The following RIMS1 variants were observed in gnomAD, a reference collection of about 807,000 sequenced individuals.
RIMS1 encodes the protein regulating synaptic membrane exocytosis protein 1.
A neutral mutation model predicts 214.1 loss-of-function variants in RIMS1; 83 were observed. The ratio of observed to expected loss-of-function variants is 0.39; its 90% CI spans 0.32 to 0.47. The LOEUF is 0.47. Among genes scored for constraint, RIMS1 ranks in the 20% least tolerant of loss-of-function variants. The pLI, the probability that RIMS1 is intolerant of heterozygous loss-of-function variation, is 0.99. For synonymous variants in RIMS1, 793 were observed against 786.8 expected (o/e 1.01, Z -0.13); for missense variants, 2,050 against 2,161.8 (o/e 0.95, Z 1.03).
intron 29 of RIMS1, chr6:72,366,757 C>T (rs2098040723): frequency 1.0e-6 from 1 of 985,728 alleles, no homozygotes; most frequent in Non-Finnish European, 1.2e-6. Context: ...GACAGATATT[C>T]CAGCCAGCCA....
chr6:71,962,573 T>A (rs945007723), intron 1 of RIMS1, among the ~76,000 whole-genome samples: 12 of 152,180 alleles, frequency 7.9e-5, no homozygotes, highest in African/African-American at 2.9e-4. Flanking sequence ...TTTTCCCTTA[T>A]GGTGTAGAAT....
chr6:72,097,804 T>C (rs1208430276), intron 3 of RIMS1, among the ~76,000 whole-genome samples: 1 of 152,184 alleles, frequency 6.6e-6, no homozygotes, highest in East Asian at 1.9e-4. Flanking sequence ...GCCAGTACTT[T>C]AAATAAATGC....
chr6:71,965,733 C>T (rs1313521189), intron 1 of RIMS1, among the ~76,000 whole-genome samples: 2 of 151,866 alleles, frequency 1.3e-5, no homozygotes, highest in Admixed American at 6.6e-5. Context: ...GTCGAAGAGC[C>T]CCAATCTGAT....
intron 28 of RIMS1, among the ~76,000 whole-genome samples, chr6:72,319,722 A>G (rs2096041315): frequency 6.6e-6 from 1 of 151,902 alleles, no homozygotes; most frequent in East Asian, 1.9e-4. Flanking sequence ...TTTATTGGGT[A>G]CATCTTATAC....
At chr6:72,122,465 C>G (rs984433384) in intron 4 of RIMS1, among the ~76,000 whole-genome samples, 4 of 151,712 alleles carry the variant, frequency 2.6e-5, no homozygotes, top group African/African-American at 9.7e-5. Flanking sequence ...CTCGGCCTCC[C>G]AAAGTGCTGG....
Position 71,889,511 on chromosome 6 carries a change from G to A in RIMS1, c.164+2324G>A, listed in dbSNP as rs138763086. ...CAGCTCTCTATAATCCTGGACCTCT[G>A]TATTAACTTTATCCATCAGCCTCCT... On this transcript the variant is annotated intron_variant, in intron 1 of 33. Transcript: ENST00000521978. Among the ~76,000 whole-genome samples, 705 of 152,232 alleles carry A rather than the reference G, an allele frequency of 4.6e-3. 3 individuals are homozygous for A. The highest frequency in any genetic ancestry group is 6.8e-3 in the Middle Eastern group (2 of 294).
At chr6:72,355,778 T>C (rs1018121848) in intron 29 of RIMS1, among the ~76,000 whole-genome samples, 2 of 152,168 alleles carry the variant, frequency 1.3e-5, no homozygotes, top group Non-Finnish European at 2.9e-5. Flanking sequence ...TCTTCTGACA[T>C]GTCTAATTCG....
intron 1 of RIMS1, among the ~76,000 whole-genome samples, chr6:71,891,529 A>C (rs1407973383): frequency 6.6e-6 from 1 of 152,196 alleles, no homozygotes. Context: ...TGTGGCCTGA[A>C]ATATATCCAT....
At chr6:72,113,118 A>G (rs552123071) in intron 4 of RIMS1, among the ~76,000 whole-genome samples, 1 of 152,288 alleles carries the variant, frequency 6.6e-6, no homozygotes, top group East Asian at 1.9e-4. Context: ...GGCAGTGTGC[A>G]GAGTCATGGT....
intron 29 of RIMS1, among the ~76,000 whole-genome samples, chr6:72,373,743 C>T (rs2098289337): frequency 6.6e-6 from 1 of 151,912 alleles, no homozygotes; most frequent in Non-Finnish European, 1.5e-5. Context: ...GTAATTTAGT[C>T]AATTCCTTAA....
At chr6:71,993,075 T>C (rs1802377189) in intron 2 of RIMS1, among the ~76,000 whole-genome samples, 1 of 152,154 alleles carries the variant, frequency 6.6e-6, no homozygotes, top group African/African-American at 2.4e-5. Context: ...ACACACAAGA[T>C]TGTTAAGGAA....
intron 29 of RIMS1, chr6:72,367,013 T>C (rs996984927): frequency 1.4e-5 from 3 of 211,740 alleles, no homozygotes; most frequent in Non-Finnish European, 2.4e-5. Context: ...GGTAGTGTTA[T>C]ACTTCAGATT....
At chr6:72,165,931 A>G (rs1327306875) in intron 4 of RIMS1, among the ~76,000 whole-genome samples, 1 of 152,186 alleles carries the variant, frequency 6.6e-6, no homozygotes, top group Non-Finnish European at 1.5e-5. Context: ...TGAGTTTTTC[A>G]GTCATTAAAT....
intron 2 of RIMS1, among the ~76,000 whole-genome samples, chr6:71,969,603 G>A (rs1795332067): frequency 6.6e-6 from 1 of 152,150 alleles, no homozygotes; most frequent in African/African-American, 2.4e-5. Context: ...GAGGTATGGA[G>A]TTTGGGACCA....
Position 72,266,411 on chromosome 6 carries a change from A to T in RIMS1, c.3398+362A>T. On this transcript the variant is annotated intron_variant, in intron 22 of 33. Coordinates refer to ENST00000521978, the MANE Select transcript of RIMS1 (RefSeq NM_014989.7). ...TCCAGTGAATTATCCGAAGGGGAGG[A>T]TCACTTTCCTCTTAGTACCACTGAT... is the stretch of plus-strand genomic sequence containing the variant. 1.6e-5 allele frequency: 5 copies of T among 308,108 alleles called. No homozygotes were observed. In the South Asian group the frequency reaches 1.7e-4, roughly 11 times the overall value. The allele number at this position is 308,108 out of a possible 1,614,324, so 19.1% of individuals were successfully genotyped here.
chr6:72,258,253 T>G lies in RIMS1; in HGVS notation c.2899T>G (p.Ser967Ala), dbSNP rs1477458388. 1 of 1,613,430 alleles carries G rather than the reference T, an allele frequency of 6.2e-7. No homozygotes were observed. The highest frequency in any genetic ancestry group is 1.1e-5 in the South Asian group (1 of 91,076). Residue 967 changes from serine (S) to alanine (A), a missense_variant, in exon 17 of 34, where the codon TCA (serine) becomes GCA (alanine). Physicochemically the swap from Ser to Ala is moderately conservative, Grantham distance 99. Coordinates refer to ENST00000521978, the MANE Select transcript of RIMS1 (RefSeq NM_014989.7). ...HRGNDQGKPR[S>A]RLPNVPLQRS... ...CGGCAATGATCAGGGAAAGCCGCGT[T>G]CACGTTTACCAAATGTGCCATTACA... is the stretch of plus-strand genomic sequence containing the variant.
chr6:72,206,433 T>C (rs766564996), intron 6 of RIMS1, among the ~76,000 whole-genome samples: 4 of 152,228 alleles, frequency 2.6e-5, no homozygotes, highest in Non-Finnish European at 5.9e-5. Context: ...TGTGTTTCAA[T>C]ATTCACATAA....
intron 2 of RIMS1, among the ~76,000 whole-genome samples, chr6:72,043,891 A>G (rs1373369877): frequency 6.6e-6 from 1 of 151,628 alleles, no homozygotes; most frequent in Non-Finnish European, 1.5e-5. Context: ...GAAAAGTAAA[A>G]TTACCCATGA....
At chr6:71,935,882 G>A (rs528503233) in intron 1 of RIMS1, among the ~76,000 whole-genome samples, 27 of 152,088 alleles carry the variant, frequency 1.8e-4, no homozygotes, top group Non-Finnish European at 1.5e-4. Context: ...ATCTTTCACC[G>A]GGAGCACCAA....
Sources: allele counts gnomAD v4.1 joint callset (sites outside exome capture counted in the v4.1 genomes callset), GRCh38; gene constraint gnomAD v4.1.1; transcripts MANE v1.5; gene names NCBI Gene and HGNC (gene_info 2026-07-23, HGNC 2026-07-21).